GDPD1: variants seen among roughly 807,000 people sequenced by gnomAD.
GDPD1 encodes the protein glycerophosphodiester phosphodiesterase domain containing 1, also known as lysophospholipase D GDPD1.
Under a neutral mutation model 45.1 loss-of-function variants are expected in GDPD1, and 28 were observed. The observed-to-expected ratio is 0.62, with a 90% confidence interval of 0.46 to 0.85. The LOEUF (loss-of-function observed/expected upper bound fraction) is 0.85, where lower values mean the gene tolerates loss of function less well. GDPD1 is among the 40% of genes least tolerant of loss of function. The pLI is 0.00. For synonymous variants in GDPD1, 139 were observed against 131.4 expected, an observed-to-expected ratio of 1.06 and a Z score of -0.40; for missense variants, 256 against 364.8, an observed-to-expected ratio of 0.70 and a Z score of 2.43.
chr17:59,257,204 C>T lies in GDPD1; in HGVS notation c.450C>T (p.Ile150=), dbSNP rs2047316037. The T allele has an allele frequency of 4.4e-6, 7 of 1,597,998 alleles. No homozygotes were observed. Among genetic ancestry groups the T allele is most frequent in the East Asian group, 2.3e-5 (1 of 43,806 alleles). ...FEAFPNTPIN[I]DIKVNNNVLI... ...CCTTTCCTAACACTCCCATTAACAT[C>T]GATATCAAAGTCAACAACAATGTGC... Residue 150 remains isoleucine, a synonymous_variant, in exon 5 of 10, where the codon ATC becomes ATT. Transcript: ENST00000284116.
intron 6 of GDPD1, among the ~76,000 whole-genome samples, chr17:59,263,056 C>G (rs1281217446): frequency 1.3e-5 from 2 of 152,144 alleles, no homozygotes; most frequent in South Asian, 2.1e-4. Flanking sequence ...ATTATGTAGT[C>G]TAATGAACAG....
chr17:59,257,117 C>G lies in GDPD1; in HGVS notation c.368-5C>G, dbSNP rs1228246807. 8.0e-6 allele frequency: 12 copies of G among 1,492,954 alleles called. No individual in the cohort carries two copies. Among genetic ancestry groups the G allele is most frequent in the African/African-American group, 1.4e-5 (1 of 71,014 alleles). The allele number at this position is 1,492,954 out of a possible 1,614,324, so 92.5% of individuals were successfully genotyped here. ...AAAATACATTTAAAAATCTTGCTTT[C>G]TCAGCATGCCAGTGTGAAGGAAAAG... is the stretch of plus-strand genomic sequence containing the variant. On this transcript the variant is annotated splice_region_variant and splice_polypyrimidine_tract_variant and intron_variant, in intron 4 of 9. Coordinates refer to ENST00000284116, the MANE Select transcript of GDPD1 (RefSeq NM_182569.4).
At position 59,275,033 on chromosome 17, in the gene GDPD1, G is replaced by A; in HGVS notation, c.*1260G>A. ...ATTTTTGTATTTTTAGTAGAGACAGGGTTTTGCCACGTTGGCCAGACTGGT... is the reference window on the plus strand; with the variant it reads ...ATTTTTGTATTTTTAGTAGAGACAGAGTTTTGCCACGTTGGCCAGACTGGT... On this transcript the variant is annotated 3_prime_UTR_variant, in exon 10 of 10. Transcript: ENST00000284116. The A allele has an allele frequency of 1.4e-6, 1 of 712,940 alleles. No homozygotes were observed. The highest frequency in any genetic ancestry group is 2.4e-6 in the Non-Finnish European group (1 of 412,818). The allele number at this position is 712,940 out of a possible 1,614,324, so 44.2% of individuals were successfully genotyped here.
intron 1 of GDPD1, among the ~76,000 whole-genome samples, chr17:59,228,477 A>G (rs971631422): frequency 1.1e-4 from 16 of 152,184 alleles, no homozygotes; most frequent in African/African-American, 3.6e-4. Flanking sequence ...TATGCATAAG[A>G]GACTATGGGG....
Position 59,275,139 on chromosome 17 carries a change from G to A in GDPD1, c.*1366G>A, listed in dbSNP as rs1597998377. The A allele has an allele frequency of 3.9e-6, 6 of 1,536,238 alleles. No individual in the cohort carries two copies. The highest frequency in any genetic ancestry group is 5.2e-6 in the Non-Finnish European group (6 of 1,146,212). On this transcript the variant is annotated 3_prime_UTR_variant, in exon 10 of 10. Transcript: ENST00000284116. ...TTACAGGTTTGAACCACTGCACCCGGCCAGTAAAAGAAATTTTGAAGGCCA... is the reference window on the plus strand; with the variant it reads ...TTACAGGTTTGAACCACTGCACCCGACCAGTAAAAGAAATTTTGAAGGCCA...
chr17:59,237,434 A>G (rs1447851933), intron 2 of GDPD1, among the ~76,000 whole-genome samples: 2 of 152,134 alleles, frequency 1.3e-5, no homozygotes, highest in African/African-American at 2.4e-5. Context: ...AAATAAACAT[A>G]CTGTTTTAAA....
At position 59,275,197 on chromosome 17, in the gene GDPD1, A is replaced by T. The variant is rs1027211621; in HGVS notation, c.*1424A>T. 5.2e-6 allele frequency: 8 copies of T among 1,536,746 alleles called. No individual in the cohort carries two copies. The highest frequency in any genetic ancestry group is 5.2e-6 in the Non-Finnish European group (6 of 1,146,358). ...TATTTGGTAGTGTCTTGTTATTTCT[A>T]GGTGTACCTTAGTTAAAGAGGAAAA... On this transcript the variant is annotated 3_prime_UTR_variant, in exon 10 of 10. Coordinates refer to ENST00000284116, the MANE Select transcript of GDPD1 (RefSeq NM_182569.4).
chr17:59,264,501 A>G (rs1409972274), intron 6 of GDPD1, among the ~76,000 whole-genome samples: 1 of 152,062 alleles, frequency 6.6e-6, no homozygotes, highest in Non-Finnish European at 1.5e-5. Flanking sequence ...CATGTTGGCC[A>G]GACTGGTCTC....
Position 59,220,712 on chromosome 17 carries a change from A to C in GDPD1, c.103A>C (p.Lys35Gln). ...CCCGACCTTGCTGCACCAGAGAAAGAAGCAGCGATTCCTCAGTAAACACAT... is the reference window on the plus strand; with the variant it reads ...CCCGACCTTGCTGCACCAGAGAAAGCAGCAGCGATTCCTCAGTAAACACAT... ...KYPTLLHQRK[K>Q]QRFLSKHISH... Residue 35 changes from lysine to glutamine, a missense_variant, in exon 1 of 10, where the codon AAG becomes CAG. Physicochemically the swap from Lys to Gln is moderately conservative, Grantham distance 53 (BLOSUM62 1). Coordinates refer to ENST00000284116, the MANE Select transcript of GDPD1 (RefSeq NM_182569.4). The C allele has an allele frequency of 6.2e-7, 1 of 1,614,144 alleles. No individual in the cohort carries two copies.
intron 3 of GDPD1, among the ~76,000 whole-genome samples, chr17:59,247,636 T>TC (rs1160336052): frequency 6.7e-6 from 1 of 150,320 alleles, no homozygotes; most frequent in African/African-American, 2.4e-5. Flanking sequence ...TGCACTGAAT[T>TC]TTTTTTTTTT....
chr17:59,224,646 AC>A (rs2047033544), intron 1 of GDPD1, among the ~76,000 whole-genome samples: 9 of 122,928 alleles, frequency 7.3e-5, no homozygotes, highest in Admixed American at 2.5e-4. Flanking sequence ...AAAACAAAAA[AC>A]AAAAACAAAA....
chr17:59,239,185 A>C (rs1448345149), intron 2 of GDPD1, among the ~76,000 whole-genome samples: 5 of 152,242 alleles, frequency 3.3e-5, no homozygotes, highest in Non-Finnish European at 7.3e-5. Context: ...AGAATATCTA[A>C]TTAATATGAC....
intron 4 of GDPD1, among the ~76,000 whole-genome samples, chr17:59,250,788 C>T (rs990632521): frequency 6.6e-6 from 1 of 152,136 alleles, no homozygotes; most frequent in African/African-American, 2.4e-5. Flanking sequence ...CAACCTCCAC[C>T]TCCTGGGTTC....
chr17:59,260,527 C>T (rs1170539394), intron 6 of GDPD1, among the ~76,000 whole-genome samples: 3 of 151,574 alleles, frequency 2.0e-5, no homozygotes, highest in Non-Finnish European at 4.4e-5. Context: ...GGGCAAGAGA[C>T]CGAGACTCTT....
At chr17:59,263,516 T>C (rs1568349903) in intron 6 of GDPD1, among the ~76,000 whole-genome samples, 1 of 148,538 alleles carries the variant, frequency 6.7e-6, no homozygotes, top group Non-Finnish European at 1.5e-5. Flanking sequence ...TTCACTCTGG[T>C]TGCCCAGGCT....
In GDPD1 at chr17:59,273,880, G is replaced by GTT; in HGVS notation, c.*111_*112dup. ...TCCAGAATGGTAAAAGGTTTAATCA[G>GTT]TTTTTATTACCTCATTTTTAAGCCT... On this transcript the variant is annotated 3_prime_UTR_variant, in exon 10 of 10. Transcript: ENST00000284116. 7.9e-7 allele frequency: 1 copy of GTT among 1,266,242 alleles called. No homozygotes were observed. Among genetic ancestry groups the GTT allele is most frequent in the South Asian group, 2.7e-5 (1 of 37,482 alleles). 78.4% of individuals were successfully genotyped at this position (1,266,242 alleles called of 1,614,324 possible).
chr17:59,229,106 T>A (rs950519984), intron 1 of GDPD1, among the ~76,000 whole-genome samples: 46 of 146,900 alleles, frequency 3.1e-4, no homozygotes, highest in African/African-American at 1.0e-3. Context: ...AGGAAAAAAA[T>A]TTTTTTCCTC....
intron 4 of GDPD1, among the ~76,000 whole-genome samples, chr17:59,255,418 T>TAC (rs1327166148): frequency 2.0e-5 from 3 of 147,638 alleles, no homozygotes; most frequent in African/African-American, 7.6e-5. Context: ...CTGGGCAAAA[T>TAC]ACAGTGAGAC....
Position 59,245,515 on chromosome 17 carries a change from G to A in GDPD1, c.287G>A (p.Gly96Glu). 4 of 1,610,474 alleles carry A rather than the reference G, an allele frequency of 2.5e-6. No individual in the cohort carries two copies. Among genetic ancestry groups the A allele is most frequent in the Non-Finnish European group, 3.4e-6 (4 of 1,177,292 alleles). Residue 96 changes from glycine (G) to glutamate (E), a missense_variant, in exon 3 of 10, where the codon GGG (glycine) becomes GAG (glutamate). Transcript: ENST00000284116. ...GATGAGAATCTAAAGAGAGCAACTG[G>A]GGTCAATGTAAACATCTCTGATCTC... ...SHDENLKRAT[G>E]VNVNISDLKY...
Sources: gnomAD v4.1 joint callset for allele counts (sites outside exome capture counted in the v4.1 genomes callset) on GRCh38, gnomAD v4.1.1 for gene constraint, MANE v1.5 for transcripts, NCBI Gene and HGNC (gene_info 2026-07-23, HGNC 2026-07-21) for gene names.